Variants in SLC60A1 observed in about 807,000 individuals in gnomAD.
The protein encoded by SLC60A1 is solute carrier family 60 member 1, also known as major facilitator superfamily domain containing 4.
chr1:205,589,236 AG>A, the SLC60A1 span, among the ~76,000 whole-genome samples: 1 of 152,196 alleles, frequency 6.6e-6, no homozygotes, highest in Non-Finnish European at 1.5e-5. Context: ...AGAAGGTGCC[AG>A]CCCCTGAAGG....
At chr1:205,569,157 C>T in the SLC60A1 span, 1 of 1,540,150 alleles carries the variant, frequency 6.5e-7, no homozygotes, top group East Asian at 2.5e-5. Flanking sequence ...CAGCTTCGGC[C>T]TGTGCATCGC....
the SLC60A1 span, among the ~76,000 whole-genome samples, chr1:205,586,696 ACTCTT>A: frequency 7.8e-6 from 1 of 127,786 alleles, no homozygotes. Flanking sequence ...CTCCTAGGTG[ACTCTT>A]TTTTTTTTTT....
the SLC60A1 span, among the ~76,000 whole-genome samples, chr1:205,591,043 A>AC: frequency 4.6e-5 from 7 of 152,288 alleles, no homozygotes. Flanking sequence ...GGGTCTTCTG[A>AC]CCCCAAATCT....
At chr1:205,569,732 G>T in the SLC60A1 span, among the ~76,000 whole-genome samples, 2 of 152,118 alleles carry the variant, frequency 1.3e-5, no homozygotes, top group African/African-American at 2.4e-5. Flanking sequence ...TGGCAGTGAG[G>T]TGGAAGGACC....
chr1:205,596,721 A>G, the SLC60A1 span, among the ~76,000 whole-genome samples: 1 of 152,068 alleles, frequency 6.6e-6, no homozygotes, highest in Admixed American at 6.5e-5. Context: ...CAGAGTCTAA[A>G]GGGCTCTGCA....
the SLC60A1 span, chr1:205,595,125 T>C: frequency 1.3e-5 from 2 of 152,234 alleles, no homozygotes; most frequent in East Asian, 3.9e-4. Context: ...GACATGCAAA[T>C]GTGTGAAGTG....
chr1:205,581,595 C>T, the SLC60A1 span, among the ~76,000 whole-genome samples: 1 of 152,178 alleles, frequency 6.6e-6, no homozygotes, highest in Admixed American at 6.5e-5. This position sits in a 1 kb window ranked among gnomAD's most constrained non-coding sequence, Gnocchi z 4.2. Flanking sequence ...TACCCCCATC[C>T]ACCTGGGTTG....
At chr1:205,593,009 G>A in the SLC60A1 span, among the ~76,000 whole-genome samples, 1 of 152,130 alleles carries the variant, frequency 6.6e-6, no homozygotes, top group Non-Finnish European at 1.5e-5. Context: ...GAGTCACACA[G>A]CCTCTTTGAT....
At chr1:205,582,706 C>T in the SLC60A1 span, among the ~76,000 whole-genome samples, 1 of 152,214 alleles carries the variant, frequency 6.6e-6, no homozygotes. Flanking sequence ...CATTAGGGCT[C>T]AGCAGGGGCT....
At chr1:205,597,662 C>G in the SLC60A1 span, 1 of 992,188 alleles carries the variant, frequency 1.0e-6, no homozygotes, top group Non-Finnish European at 1.6e-6. Flanking sequence ...TCCTAAAGTA[C>G]TGGGATGTGC....
At chr1:205,598,538 C>T in the SLC60A1 span, 1 of 153,242 alleles carries the variant, frequency 6.5e-6, no homozygotes, top group Non-Finnish European at 1.5e-5. Context: ...CTCATTGTGA[C>T]TCCATTCTCC....
At chr1:205,598,819 T>C in the SLC60A1 span, 1 of 374,380 alleles carries the variant, frequency 2.7e-6, no homozygotes, top group South Asian at 4.3e-5. Flanking sequence ...CTTATGGGTA[T>C]AGAAACACCT....
At chr1:205,583,989 C>T in the SLC60A1 span, 1 of 1,613,972 alleles carries the variant, frequency 6.2e-7, no homozygotes. Flanking sequence ...ATGCTGCTGT[C>T]CAAGGAGCGG....
chr1:205,583,562 A>G, the SLC60A1 span, among the ~76,000 whole-genome samples: 1 of 152,202 alleles, frequency 6.6e-6, no homozygotes, highest in Non-Finnish European at 1.5e-5. Flanking sequence ...CATGTTTTGT[A>G]GAGATGTGAT....
At chr1:205,570,734 GATTC>G in the SLC60A1 span, among the ~76,000 whole-genome samples, 1 of 152,216 alleles carries the variant, frequency 6.6e-6, no homozygotes, top group Non-Finnish European at 1.5e-5. Flanking sequence ...ACAAGCTCAA[GATTC>G]ATTCTGCCTA....
At chr1:205,578,849 C>T in the SLC60A1 span, among the ~76,000 whole-genome samples, 62 of 152,210 alleles carry the variant, frequency 4.1e-4, no homozygotes, top group Non-Finnish European at 2.6e-4. Flanking sequence ...CCAGAACCTG[C>T]CTGCTGCCCA....
the SLC60A1 span, among the ~76,000 whole-genome samples, chr1:205,588,987 G>C: frequency 6.6e-6 from 1 of 152,250 alleles, no homozygotes; most frequent in Non-Finnish European, 1.5e-5. Flanking sequence ...CGTGGGAAGA[G>C]AGTTGGTGGA....
chr1:205,598,855 T>C, the SLC60A1 span: 8 of 468,606 alleles, frequency 1.7e-5, no homozygotes, highest in Non-Finnish European at 2.7e-5. Flanking sequence ...TCAGTGATGA[T>C]AGAGATCGTC....
chr1:205,577,650 G>A, the SLC60A1 span, among the ~76,000 whole-genome samples: 3 of 152,164 alleles, frequency 2.0e-5, no homozygotes, highest in South Asian at 2.1e-4. This position sits in a 1 kb window ranked among gnomAD's most constrained non-coding sequence, Gnocchi z 5.2. Flanking sequence ...GGCTGGGTCC[G>A]TGGCTCCTTC....
Sources: allele counts gnomAD v4.1 joint callset (sites outside exome capture counted in the v4.1 genomes callset), GRCh38; gene constraint gnomAD v4.1.1; non-coding constraint Gnocchi (gnomAD v3.1); transcripts MANE v1.5; gene names NCBI Gene and HGNC (gene_info 2026-07-23, HGNC 2026-07-21).